OR2T12: variants seen among roughly 807,000 people sequenced by gnomAD.
The protein encoded by OR2T12 is olfactory receptor family 2 subfamily T member 12.
For synonymous variants in OR2T12, 127 were observed against 160.5 expected (o/e 0.79, Z 1.58); for missense variants, 335 against 404.3 (o/e 0.83, Z 1.47).
At chr1:248,298,318 T>C (rs1441627488) in intron 2 of OR2T12, among the ~76,000 whole-genome samples, 2 of 152,172 alleles carry the variant, frequency 1.3e-5, no homozygotes, top group Non-Finnish European at 2.9e-5. Context: ...TTCTCTTTTT[T>C]GGTTGTGTCT....
At position 248,295,030 on chromosome 1, in the gene OR2T12, C is replaced by T. The variant is rs554779497; in HGVS notation, c.549G>A (p.Val183=). The T allele has an allele frequency of 1.2e-6, 2 of 1,609,700 alleles. No individual in the cohort carries two copies. Among genetic ancestry groups the T allele is most frequent in the East Asian group, 2.2e-5 (1 of 44,834 alleles). ...DHFFCEAPVL[V]RLACADTSVF... ...CTGAAGTGTCAGCACAAGCCAAACG[C>T]ACCAACACGGGGGCCTCGCAGAAGA... The change falls in exon 3 of 3, where the codon GTG becomes GTA. Residue 183 remains valine, a synonymous_variant. Transcript: ENST00000641276.
intron 2 of OR2T12, among the ~76,000 whole-genome samples, chr1:248,298,569 T>C (rs1363854977): frequency 6.6e-6 from 1 of 151,572 alleles, no homozygotes; most frequent in African/African-American, 2.4e-5. Flanking sequence ...TTCTTCCTGG[T>C]TTAGTCTTGG....
At chr1:248,303,026 C>G (rs1429515189) in intron 1 of OR2T12, among the ~76,000 whole-genome samples, 2 of 152,064 alleles carry the variant, frequency 1.3e-5, no homozygotes, top group African/African-American at 4.8e-5. Context: ...AAATCATGTC[C>G]TGTTCTCATC....
intron 1 of OR2T12, among the ~76,000 whole-genome samples, chr1:248,302,225 GTAA>G (rs1389266517): frequency 6.6e-6 from 1 of 151,998 alleles, no homozygotes; most frequent in African/African-American, 2.4e-5. Context: ...AATTTTATTT[GTAA>G]TAATAAAATG....
chr1:248,295,392 G>T lies in OR2T12; in HGVS notation c.187C>A (p.Gln63Lys), dbSNP rs758097699. 4 of 1,594,848 alleles carry T rather than the reference G, an allele frequency of 2.5e-6. No individual in the cohort carries two copies. Among genetic ancestry groups the T allele is most frequent in the Non-Finnish European group, 3.4e-6 (4 of 1,165,628 alleles). Reference sequence around the variant, plus strand: ...AGCATCATGTCCATGAGGGAAAGTTGGCTCAGGAGGAAGTACATGGGCCTG... The same window carrying T: ...AGCATCATGTCCATGAGGGAAAGTTTGCTCAGGAGGAAGTACATGGGCCTG... ...LHRPMYFLLSQLSLMDMMLVS... is the reference protein window; with the variant it reads ...LHRPMYFLLSKLSLMDMMLVS... The change falls in exon 3 of 3, where the codon CAA becomes AAA. Residue 63 changes from glutamine (Q) to lysine (K), a missense_variant. Coordinates refer to ENST00000641276, the MANE Select transcript of OR2T12 (RefSeq NM_001004692.2).
chr1:248,299,781 G>A (rs968684508), intron 2 of OR2T12, among the ~76,000 whole-genome samples: 2 of 152,050 alleles, frequency 1.3e-5, no homozygotes, highest in African/African-American at 4.8e-5. Flanking sequence ...CCACATAGTT[G>A]GAAGTAAAGC....
rs766387269 is a variant in OR2T12, at chr1:248,295,002, A to G, written c.577T>C (p.Phe193Leu). The change falls in exon 3 of 3, where the codon TTC (phenylalanine) becomes CTC (leucine). Residue 193 changes from phenylalanine (F) to leucine (L), a missense_variant. Coordinates refer to ENST00000641276, the MANE Select transcript of OR2T12 (RefSeq NM_001004692.2). The stretch of plus-strand genomic sequence containing the variant: ...CAGCAGATGTACATGGCGTTTTCGA[A>G]GACTGAAGTGTCAGCACAAGCCAAA... ...VRLACADTSV[F>L]ENAMYICCVL... 6.2e-7 allele frequency: 1 copy of G among 1,611,084 alleles called. No homozygotes were observed. Among genetic ancestry groups the G allele is most frequent in the Admixed American group, 1.7e-5 (1 of 59,804 alleles).
rs749782652 is a variant in OR2T12, at chr1:248,294,965, A to C, written c.614T>G (p.Leu205Arg). The change falls in exon 3 of 3, where the codon CTC becomes CGC. Residue 205 changes from leucine to arginine, a missense_variant. Physicochemically the swap from Leu to Arg is moderately radical, Grantham distance 102. Transcript: ENST00000641276. Reference protein sequence around the residue: ...NAMYICCVLMLLVPFSLILSS... With the variant: ...NAMYICCVLMRLVPFSLILSS... ...CAGGATGAGGGAAAAGGGGACCAGG[A>C]GCATTAACACACAGCAGATGTACAT... 6.2e-7 allele frequency: 1 copy of C among 1,611,670 alleles called. No homozygotes were observed. The highest frequency in any genetic ancestry group is 8.5e-7 in the Non-Finnish European group (1 of 1,179,822).
At chr1:248,296,991 A>C (rs560269159) in intron 2 of OR2T12, among the ~76,000 whole-genome samples, 1 of 152,210 alleles carries the variant, frequency 6.6e-6, no homozygotes, top group African/African-American at 2.4e-5. Context: ...TTTTAGGTCT[A>C]ACGTTTAAGT....
chr1:248,299,686 T>C lies in OR2T12; in HGVS notation c.-9+1687A>G, dbSNP rs1426607036. Among the ~76,000 whole-genome samples the C allele has an allele frequency of 2.0e-5, 3 of 152,232 alleles. No homozygotes were observed. The East Asian group carries it at 5.8e-4, about 29-fold the overall frequency. On this transcript the variant is annotated intron_variant, in intron 2 of 2. Transcript: ENST00000641276. ...AACTCAGCTCTGCACCAAGCGGACCTAATAGACATCTACAGAACTCTCCAC... is the reference window on the plus strand; with the variant it reads ...AACTCAGCTCTGCACCAAGCGGACCCAATAGACATCTACAGAACTCTCCAC...
rs778537217 is a variant in OR2T12, at chr1:248,294,790, G to A, written c.789C>T (p.His263=). 14 of 1,613,802 alleles carry A rather than the reference G, an allele frequency of 8.7e-6. No individual in the cohort carries two copies. Among genetic ancestry groups the A allele is most frequent in the African/African-American group, 5.3e-5 (4 of 74,900 alleles). Residue 263 remains histidine, a synonymous_variant, in exon 3 of 3, where the codon CAC becomes CAT. Coordinates refer to ENST00000641276, the MANE Select transcript of OR2T12 (RefSeq NM_001004692.2). ...CAACCTTATCGTGGTTAGTGGACCT[G>A]TGGGATTTGGGTCTCATATAGGTAA... ...GIFTYMRPKS[H]RSTNHDKVVS...
At chr1:248,302,198 G>GAT (rs1659821083) in intron 1 of OR2T12, among the ~76,000 whole-genome samples, 2 of 151,934 alleles carry the variant, frequency 1.3e-5, no homozygotes, top group African/African-American at 4.8e-5. Context: ...TCTCATATTG[G>GAT]CAATAATGAT....
At chr1:248,300,191 T>C (rs1339597919) in intron 2 of OR2T12, among the ~76,000 whole-genome samples, 1 of 152,140 alleles carries the variant, frequency 6.6e-6, no homozygotes, top group Non-Finnish European at 1.5e-5. Flanking sequence ...AACAGATAGT[T>C]CCTATAACAT....
rs778135460 is a variant in OR2T12, at chr1:248,290,957, G to A, written c.*3659C>T. On this transcript the variant is annotated 3_prime_UTR_variant, in exon 3 of 3. Coordinates refer to ENST00000641276, the MANE Select transcript of OR2T12 (RefSeq NM_001004692.2). ...ATTTCTTGGCCACATAAATGTCTTC[G>A]TTTGAGAAATGTCTGTTCATATACT... The A allele has an allele frequency of 6.6e-5, 10 of 150,862 alleles. No individual in the cohort carries two copies. Among genetic ancestry groups the A allele is most frequent in the African/African-American group, 1.2e-4 (5 of 41,112 alleles). The allele number at this position is 150,862 out of a possible 1,614,324, so 9.3% of individuals were successfully genotyped here.
Position 248,294,463 on chromosome 1 carries a change from T to C in OR2T12, c.*153A>G. On this transcript the variant is annotated 3_prime_UTR_variant, in exon 3 of 3. Transcript: ENST00000641276. ...AGTACATAAATGCTCAAAAATGGTA[T>C]CTGTCAATACAATTGGCTCACTTCA... is the stretch of plus-strand genomic sequence containing the variant. The C allele has an allele frequency of 1.0e-6, 1 of 970,788 alleles. No individual in the cohort carries two copies. Among genetic ancestry groups the C allele is most frequent in the Non-Finnish European group, 1.5e-6 (1 of 659,524 alleles). 60.1% of individuals were successfully genotyped at this position (970,788 alleles called of 1,614,324 possible).
Position 248,295,370 on chromosome 1 carries a change from A to C in OR2T12, c.209T>G (p.Met70Arg), listed in dbSNP as rs752661952. 6.3e-7 allele frequency: 1 copy of C among 1,591,066 alleles called. No homozygotes were observed. Among genetic ancestry groups the C allele is most frequent in the Non-Finnish European group, 8.6e-7 (1 of 1,162,646 alleles). Residue 70 changes from methionine (M) to arginine (R), a missense_variant, in exon 3 of 3, where the codon ATG (methionine) becomes AGG (arginine). By Grantham distance (91) the Met-to-Arg change is moderately conservative (BLOSUM62 -1). Coordinates refer to ENST00000641276, the MANE Select transcript of OR2T12 (RefSeq NM_001004692.2). Reference sequence around the variant, plus strand: ...TTTGGGCACAGTGGTGGAAACCAGCATCATGTCCATGAGGGAAAGTTGGCT... The same window carrying C: ...TTTGGGCACAGTGGTGGAAACCAGCCTCATGTCCATGAGGGAAAGTTGGCT... ...LLSQLSLMDM[M>R]LVSTTVPKMA...
rs1234489116 is a variant in OR2T12 at position 248,293,880 on chromosome 1, A to G, written c.*736T>C. The G allele has an allele frequency of 3.8e-5, 3 of 79,014 alleles. No individual in the cohort carries two copies. The highest frequency in any genetic ancestry group is 5.1e-5 in the Non-Finnish European group (2 of 38,982). The allele number at this position is 79,014 out of a possible 1,614,324, so 4.9% of individuals were successfully genotyped here. A position where few individuals can be genotyped will look rare whatever the true frequency, so the allele number is the denominator to read the frequency against. ...ATTACTTATATAAAAAATTACATGA[A>G]TTTAAAAAAGTTTGCCTTAAAACAC... On this transcript the variant is annotated 3_prime_UTR_variant, in exon 3 of 3. Coordinates refer to ENST00000641276, the MANE Select transcript of OR2T12 (RefSeq NM_001004692.2).
rs145503864 is a variant in OR2T12, at chr1:248,294,839, C to A, written c.740G>T (p.Gly247Val). 3.4e-4 allele frequency: 550 copies of A among 1,612,988 alleles called. 2 individuals are homozygous for A. In the African/African-American group the frequency reaches 6.2e-3, roughly 18 times the overall value. ...AAAAATGCCAGCTCCATAAAAGAGT[C>A]CCACCACAGCCACATGTGAAGAGCA... ...ATCSSHVAVVGLFYGAGIFTY... is the reference protein window; with the variant it reads ...ATCSSHVAVVVLFYGAGIFTY... Residue 247 changes from glycine to valine, a missense_variant, in exon 3 of 3, where the codon GGA (glycine) becomes GTA (valine). Transcript: ENST00000641276.
chr1:248,301,492 T>G lies in OR2T12; in HGVS notation c.-128A>C, dbSNP rs919883177. 3 of 152,010 alleles carry G rather than the reference T, an allele frequency of 2.0e-5. No individual in the cohort carries two copies. The highest frequency in any genetic ancestry group is 4.8e-5 in the African/African-American group (2 of 41,420). The allele number at this position is 152,010 out of a possible 1,614,324, so 9.4% of individuals were successfully genotyped here. A position where few individuals can be genotyped will look rare whatever the true frequency, so the allele number is the denominator to read the frequency against. On this transcript the variant is annotated 5_prime_UTR_variant, in exon 2 of 3. Coordinates refer to ENST00000641276, the MANE Select transcript of OR2T12 (RefSeq NM_001004692.2). ...GATTCCAAGAGGTATTTGTATATAT[T>G]CCTATAAAAATGGATCTGTGGTGAA...
Sources: allele counts gnomAD v4.1 joint callset (sites outside exome capture counted in the v4.1 genomes callset), GRCh38; gene constraint gnomAD v4.1.1; transcripts MANE v1.5; gene names NCBI Gene and HGNC (gene_info 2026-07-23, HGNC 2026-07-21).